The following SLC24A4 variants were observed in gnomAD, a reference collection of about 807,000 sequenced individuals.
SLC24A4 encodes solute carrier family 24 member 4.
A neutral mutation model predicts 79.0 loss-of-function variants in SLC24A4; 53 were observed. That is an observed-to-expected ratio of 0.67 (90% CI 0.54 to 0.84). SLC24A4 has a LOEUF of 0.84. Among genes scored for constraint, SLC24A4 ranks in the 40% least tolerant of loss-of-function variants. The probability of loss-of-function intolerance (pLI) is 0.00; values close to 1 mark genes in which losing one functional copy is unlikely to be tolerated. For missense variants in SLC24A4, 731 were observed against 822.0 expected (o/e 0.89, Z 1.35); for synonymous variants, 323 against 323.8 (o/e 1.00, Z 0.03).
chr14:92,414,234 G>A (rs1890865021), intron 2 of SLC24A4, among the ~76,000 whole-genome samples: 1 of 151,998 alleles, frequency 6.6e-6, no homozygotes, highest in South Asian at 2.1e-4. Context: ...CTACATCTCT[G>A]GCTCTACCCA....
At chr14:92,486,593 C>A in intron 13 of SLC24A4, 73 bp from the exon 14 acceptor site, 1 of 931,840 alleles carries the variant, frequency 1.1e-6, no homozygotes, top group Non-Finnish European at 1.7e-6. Context: ...TACAGTGTCT[C>A]TAATACTAGG....
intron 2 of SLC24A4, among the ~76,000 whole-genome samples, chr14:92,351,272 T>C (rs1886851148): frequency 7.1e-6 from 1 of 140,464 alleles, no homozygotes; most frequent in South Asian, 2.2e-4. Flanking sequence ...CACCCAATAC[T>C]GCCTATGCCG....
At chr14:92,372,953 CT>C in intron 2 of SLC24A4, among the ~76,000 whole-genome samples, 2 of 141,658 alleles carry the variant, frequency 1.4e-5, no homozygotes, top group African/African-American at 2.6e-5. Flanking sequence ...CTCTCTCTCT[CT>C]CTCCCTCTCT....
chr14:92,407,762 C>T (rs1277046165), intron 2 of SLC24A4, among the ~76,000 whole-genome samples: 4 of 152,050 alleles, frequency 2.6e-5, no homozygotes, highest in Non-Finnish European at 5.9e-5. Flanking sequence ...CACCTCCCAC[C>T]AAGCCCCTTC....
chr14:92,408,543 G>T (rs1890532982), intron 2 of SLC24A4: 2 of 478,260 alleles, frequency 4.2e-6, no homozygotes, highest in African/African-American at 4.2e-5. Flanking sequence ...AGCCAGGTCT[G>T]TGTGGCTTGG....
At chr14:92,406,925 T>C (rs979476386) in intron 2 of SLC24A4, among the ~76,000 whole-genome samples, 1 of 152,222 alleles carries the variant, frequency 6.6e-6, no homozygotes, top group African/African-American at 2.4e-5. Flanking sequence ...GGGTTTTTCT[T>C]TTCTACCACA....
chr14:92,487,256 C>T (rs1298446917), intron 14 of SLC24A4, among the ~76,000 whole-genome samples: 1 of 152,186 alleles, frequency 6.6e-6, no homozygotes, highest in Non-Finnish European at 1.5e-5. Context: ...GGCTGAGCAA[C>T]ACAAGGAGTG....
At chr14:92,324,322 C>T (rs904947236) in intron 1 of SLC24A4, among the ~76,000 whole-genome samples, 10 of 152,234 alleles carry the variant, frequency 6.6e-5, no homozygotes, top group African/African-American at 2.4e-4. Flanking sequence ...AACTGAGTGG[C>T]CCGCTTTCCT....
chr14:92,365,004 A>G (rs1383519127), intron 2 of SLC24A4, among the ~76,000 whole-genome samples: 1 of 151,854 alleles, frequency 6.6e-6, no homozygotes, highest in Non-Finnish European at 1.5e-5. Flanking sequence ...CTCCCTCCCT[A>G]TCCTTCCAGA....
intron 12 of SLC24A4, among the ~76,000 whole-genome samples, chr14:92,475,066 G>A (rs1351164419): frequency 6.6e-6 from 1 of 151,286 alleles, no homozygotes; most frequent in Non-Finnish European, 1.5e-5. Flanking sequence ...CATTTACTGA[G>A]ACTCTTCTAT....
intron 2 of SLC24A4, among the ~76,000 whole-genome samples, chr14:92,343,654 T>C (rs1191385101): frequency 2.3e-3 from 176 of 76,990 alleles, no homozygotes; most frequent in African/African-American, 8.2e-3. Context: ...CTTTCCTTCT[T>C]TCCTTCCTTC....
intron 2 of SLC24A4, among the ~76,000 whole-genome samples, chr14:92,376,241 C>T (rs865871956): frequency 3.9e-5 from 6 of 152,252 alleles, no homozygotes; most frequent in East Asian, 1.9e-4. Flanking sequence ...ATGGAGCTGC[C>T]GATAGAACCT....
At chr14:92,337,231 G>T (rs958287561) in intron 2 of SLC24A4, among the ~76,000 whole-genome samples, 12 of 152,194 alleles carry the variant, frequency 7.9e-5, no homozygotes, top group African/African-American at 2.7e-4. Context: ...AGCAGGCTGT[G>T]CTTGGCTCAG....
chr14:92,447,498 G>A, intron 9 of SLC24A4, 74 bp downstream of exon 9: 1 of 1,411,270 alleles, frequency 7.1e-7, no homozygotes, highest in Non-Finnish European at 1.0e-6. Context: ...TGTGACAGCA[G>A]GGAGAAAAAC....
chr14:92,468,898 G>C (rs1173992936), intron 12 of SLC24A4, among the ~76,000 whole-genome samples: 1 of 38,472 alleles, frequency 2.6e-5, no homozygotes, highest in African/African-American at 6.6e-5. Flanking sequence ...GTATCTGTGT[G>C]TGTGTGTGTG....
rs1890835991 is a variant in SLC24A4 at position 92,413,598 on chromosome 14, C to G, written c.242-20314C>G. On this transcript the variant is annotated intron_variant, in intron 2 of 16. Coordinates refer to ENST00000532405, the MANE Select transcript of SLC24A4 (RefSeq NM_153646.4). ...CTCCTCCGTAGGTTGCAAACGTTGC[C>G]TGATTTATCCATATTCCCTTGCAGC... 2.0e-5 allele frequency among the ~76,000 whole-genome samples: 3 copies of G among 152,206 alleles called. No homozygotes were observed. The South Asian group carries it at 6.2e-4, about 32-fold the overall frequency.
intron 2 of SLC24A4, among the ~76,000 whole-genome samples, chr14:92,422,060 T>C (rs1891313663): frequency 6.6e-6 from 1 of 152,238 alleles, no homozygotes. Flanking sequence ...TGATAAAATT[T>C]TTTCCACATC....
At chr14:92,393,702 T>C (rs1360856616) in intron 2 of SLC24A4, among the ~76,000 whole-genome samples, 1 of 151,358 alleles carries the variant, frequency 6.6e-6, no homozygotes, top group Non-Finnish European at 1.5e-5. Flanking sequence ...TGCCATCATG[T>C]ACAGCTAATT....
intron 2 of SLC24A4, among the ~76,000 whole-genome samples, chr14:92,401,727 C>A (rs1890123645): frequency 6.6e-6 from 1 of 152,188 alleles, no homozygotes; most frequent in South Asian, 2.1e-4. Flanking sequence ...CTGTCCCCTA[C>A]ATGAGTTGCT....
Sources: gnomAD v4.1 joint callset for allele counts (sites outside exome capture counted in the v4.1 genomes callset) on GRCh38, gnomAD v4.1.1 for gene constraint, MANE v1.5 for transcripts, NCBI Gene and HGNC (gene_info 2026-07-23, HGNC 2026-07-21) for gene names.